STC1: variants seen among roughly 807,000 people sequenced by gnomAD.
STC1 encodes the protein stanniocalcin-1.
STC1 carries 7 observed loss-of-function variants against 22.6 expected under a neutral mutation model. That is an observed-to-expected ratio of 0.31 (90% confidence interval 0.18 to 0.58). The LOEUF (loss-of-function observed/expected upper bound fraction) is 0.58. Among genes scored for constraint, STC1 ranks in the 20% least tolerant of loss-of-function variants. The pLI, the probability that STC1 is intolerant of heterozygous loss-of-function variation, is 0.89. For synonymous variants in STC1, 113 were observed against 120.7 expected, an observed-to-expected ratio of 0.94 and a Z score of 0.42; for missense variants, 224 against 311.0, an observed-to-expected ratio of 0.72 and a Z score of 2.10.
At chr8:23,849,584 G>C (rs1802612928) in intron 3 of STC1, among the ~76,000 whole-genome samples, 1 of 152,128 alleles carries the variant, frequency 6.6e-6, no homozygotes, top group African/African-American at 2.4e-5. Context: ...GGGACCTCTA[G>C]TCGAGTAGCT....
intron 3 of STC1, among the ~76,000 whole-genome samples, chr8:23,848,531 A>G (rs1284114181): frequency 3.1e-5 from 2 of 64,346 alleles, no homozygotes; most frequent in Admixed American, 1.8e-4. Context: ...TACTCTGTCA[A>G]AAAAAAAAAA....
chr8:23,852,056 C>CTGTGTGTGTGTG (rs111788542), intron 2 of STC1, among the ~76,000 whole-genome samples, 186 bp downstream of exon 2: 6 of 147,334 alleles, frequency 4.1e-5, no homozygotes, highest in African/African-American at 1.5e-4. Flanking sequence ...ATGAGTGCCT[C>CTGTGTGTGTGTG]TGTGTGTGTG....
rs796433655 is a variant in STC1 at position 23,848,529 on chromosome 8, CAAAAAAAAA to C, written c.473+2782_473+2790del. The stretch of plus-strand genomic sequence containing the variant: ...CCTGGGCAACAGAGCGATACTCTGT[CAAAAAAAAA>C]AAAAAAAAAAAAAAAAAAGAAGAAG... On this transcript the variant is annotated intron_variant, in intron 3 of 3. Coordinates refer to ENST00000290271, the MANE Select transcript of STC1 (RefSeq NM_003155.3). Among the ~76,000 whole-genome samples the C allele has an allele frequency of 8.9e-3, 566 of 63,624 alleles. 6 individuals are homozygous for C. The highest frequency in any genetic ancestry group is 0.028 in the African/African-American group (514 of 18,088). The allele number at this position is 63,624 out of a possible 152,430, so 41.7% of individuals were successfully genotyped here. A position where few individuals can be genotyped will look rare whatever the true frequency, so the allele number is the denominator to read the frequency against.
At position 23,845,056 on chromosome 8, in the gene STC1, G is replaced by C; in HGVS notation, c.474-16C>G. On this transcript the variant is annotated splice_polypyrimidine_tract_variant and intron_variant, in intron 3 of 3. Transcript: ENST00000290271. ...GTTATAGTATCTGCATCAAGAAAGA[G>C]AGTGCATATGGTGGTCACCCAGTGA... 2 of 1,613,002 alleles carry C rather than the reference G, an allele frequency of 1.2e-6. No individual in the cohort carries two copies. Among genetic ancestry groups the C allele is most frequent in the Non-Finnish European group, 1.7e-6 (2 of 1,179,514 alleles).
At chr8:23,849,666 G>A (rs1262811349) in intron 3 of STC1, among the ~76,000 whole-genome samples, 1 of 152,122 alleles carries the variant, frequency 6.6e-6, no homozygotes, top group Non-Finnish European at 1.5e-5. Context: ...AGGGAGATTA[G>A]TATCGCCTCA....
intron 3 of STC1, among the ~76,000 whole-genome samples, chr8:23,848,609 G>A (rs773754464): frequency 4.0e-4 from 60 of 150,620 alleles, no homozygotes; most frequent in Non-Finnish European, 7.7e-4. Flanking sequence ...AGATGTGTTG[G>A]AAAGACTTGG....
chr8:23,851,019 T>A (rs565615904), intron 3 of STC1, among the ~76,000 whole-genome samples: 1 of 150,666 alleles, frequency 6.6e-6, no homozygotes, highest in East Asian at 2.0e-4. Context: ...ACTTCACCAT[T>A]CCCTTCAGGC....
intron 1 of STC1, chr8:23,854,045 C>G (rs1443170370): frequency 9.4e-7 from 1 of 1,068,992 alleles, no homozygotes; most frequent in Non-Finnish European, 1.1e-6. Flanking sequence ...CCAGGTCTTA[C>G]CTTAGATCAG....
Position 23,854,666 on chromosome 8 carries a change from T to C in STC1, c.-143A>G. 2.5e-6 allele frequency: 2 copies of C among 815,148 alleles called. No homozygotes were observed. The highest frequency in any genetic ancestry group is 4.3e-6 in the Non-Finnish European group (2 of 469,222). 50.5% of individuals were successfully genotyped at this position (815,148 alleles called of 1,614,324 possible). A position where few individuals can be genotyped will look rare whatever the true frequency, so the allele number is the denominator to read the frequency against. ...GGATTTGATGAGGATTTTTTTTTGT[T>C]GTTGTTGCTGGTGATGCTGCTGCTG... On this transcript the variant is annotated 5_prime_UTR_variant, in exon 1 of 4. Transcript: ENST00000290271.
At chr8:23,848,417 A>G (rs1382549765) in intron 3 of STC1, among the ~76,000 whole-genome samples, 1 of 151,516 alleles carries the variant, frequency 6.6e-6, no homozygotes, top group East Asian at 2.0e-4. Context: ...TTGTAATCCC[A>G]GCTACTCTGG....
intron 3 of STC1, among the ~76,000 whole-genome samples, chr8:23,847,128 C>T (rs1802582789): frequency 6.6e-6 from 1 of 152,180 alleles, no homozygotes; most frequent in African/African-American, 2.4e-5. Flanking sequence ...CTGGAAAATA[C>T]AATCTTTCCC....
At chr8:23,848,142 G>A (rs1307305606) in intron 3 of STC1, among the ~76,000 whole-genome samples, 1 of 149,272 alleles carries the variant, frequency 6.7e-6, no homozygotes, top group Non-Finnish European at 1.5e-5. Context: ...ATGTTTCTAG[G>A]GATTCAATAC....
intron 3 of STC1, among the ~76,000 whole-genome samples, chr8:23,849,817 T>C (rs1317740308): frequency 6.6e-6 from 1 of 152,126 alleles, no homozygotes; most frequent in Non-Finnish European, 1.5e-5. Flanking sequence ...TTAGCCCCTG[T>C]CTGGCTAAGA....
Position 23,844,644 on chromosome 8 carries a change from T to G in STC1, c.*126A>C. On this transcript the variant is annotated 3_prime_UTR_variant, in exon 4 of 4. Transcript: ENST00000290271. ...GAAGCCTAGTTTCATGCAATTTTCTTTAAGGGGGATAGAAAATAGGAACTA... is the reference window on the plus strand; with the variant it reads ...GAAGCCTAGTTTCATGCAATTTTCTGTAAGGGGGATAGAAAATAGGAACTA... 1 of 1,118,438 alleles carries G rather than the reference T, an allele frequency of 8.9e-7. No homozygotes were observed. Among genetic ancestry groups the G allele is most frequent in the Non-Finnish European group, 1.2e-6 (1 of 802,696 alleles). 69.3% of individuals were successfully genotyped at this position (1,118,438 alleles called of 1,614,324 possible).
chr8:23,852,056 C>CTGTG (rs111788542), intron 2 of STC1, among the ~76,000 whole-genome samples, 186 bp downstream of exon 2: 3,239 of 147,412 alleles, frequency 0.022, 43 homozygotes, highest in South Asian at 0.031. Context: ...ATGAGTGCCT[C>CTGTG]TGTGTGTGTG....
chr8:23,852,287 G>A lies in STC1; in HGVS notation c.216C>T (p.Asp72=). Residue 72 remains aspartate, a synonymous_variant, in exon 2 of 4, where the codon GAC becomes GAT. Transcript: ENST00000290271. ...CGCTGTACAAGAAGGATTTACAGAT[G>A]TCATACATCCCATCTGTGTCACAGG... ...NSTCDTDGMY[D]ICKSFLYSAA... The A allele has an allele frequency of 6.2e-6, 10 of 1,614,118 alleles. No individual in the cohort carries two copies. Among genetic ancestry groups the A allele is most frequent in the Non-Finnish European group, 8.5e-6 (10 of 1,180,018 alleles).
At chr8:23,848,913 T>C (rs1315076080) in intron 3 of STC1, among the ~76,000 whole-genome samples, 1 of 152,260 alleles carries the variant, frequency 6.6e-6, no homozygotes, top group Admixed American at 6.5e-5. Context: ...TTTCCCACTC[T>C]GGATCTGGGT....
chr8:23,854,183 A>T (rs1802670677), intron 1 of STC1: 1 of 1,236,814 alleles, frequency 8.1e-7, no homozygotes, highest in East Asian at 2.7e-5. Flanking sequence ...ATGCAATGAA[A>T]TACCCTCAGC....
rs930816740 is a variant in STC1 at position 23,845,184 on chromosome 8, T to C, written c.474-144A>G. ...TAGTTCATCAGCTGAAGGTGGCTTT[T>C]GCTCTCTAACCCTTGTGCCATGTCA... On this transcript the variant is annotated intron_variant, in intron 3 of 3. Transcript: ENST00000290271. 8 of 848,898 alleles carry C rather than the reference T, an allele frequency of 9.4e-6. No individual in the cohort carries two copies. In the African/African-American group the frequency reaches 1.4e-4, roughly 14 times the overall value. 52.6% of individuals were successfully genotyped at this position (848,898 alleles called of 1,614,324 possible).
Sources: gnomAD v4.1 joint callset for allele counts (sites outside exome capture counted in the v4.1 genomes callset) on GRCh38, gnomAD v4.1.1 for gene constraint, MANE v1.5 for transcripts, NCBI Gene and HGNC (gene_info 2026-07-23, HGNC 2026-07-21) for gene names.